Variants in TIGAR observed in about 807,000 individuals in gnomAD.
The protein encoded by TIGAR is fructose-2,6-bisphosphatase TIGAR.
Under a neutral mutation model 17.9 loss-of-function variants are expected in TIGAR, and 7 were observed. The observed-to-expected ratio is 0.39, with a 90% CI of 0.22 to 0.73. The LOEUF (loss-of-function observed/expected upper bound fraction) is 0.73, where lower values mean the gene tolerates loss of function less well. Among genes scored for constraint, TIGAR ranks in the 30% least tolerant of loss-of-function variants. The pLI is 0.42. For missense variants in TIGAR, 258 were observed against 327.4 expected (o/e 0.79, Z 1.64); for synonymous variants, 94 against 108.6 (o/e 0.87, Z 0.84).
intron 3 of TIGAR, among the ~76,000 whole-genome samples, chr12:4,345,255 CTACTT>C (rs1034831556): frequency 1.4e-4 from 21 of 152,330 alleles, no homozygotes; most frequent in African/African-American, 4.8e-4. Context: ...TTGGAAAAAA[CTACTT>C]TAAAGTTCAT....
At chr12:4,324,323 CTTTTTTT>C (rs34096957) in intron 1 of TIGAR, 34 of 628,038 alleles carry the variant, frequency 5.4e-5, no homozygotes, top group Middle Eastern at 3.8e-4. Context: ...ATTTAACTTC[CTTTTTTT>C]TTTTTTTTTT....
intron 3 of TIGAR, among the ~76,000 whole-genome samples, chr12:4,344,856 T>C (rs1864762847): frequency 6.6e-6 from 1 of 152,174 alleles, no homozygotes; most frequent in Non-Finnish European, 1.5e-5. Context: ...TGATTGTATA[T>C]CTAGAAAACC....
intron 2 of TIGAR, among the ~76,000 whole-genome samples, chr12:4,332,282 G>A (rs974102044): frequency 5.0e-5 from 6 of 120,290 alleles, no homozygotes; most frequent in East Asian, 5.3e-4. Context: ...TCACTGTGCC[G>A]CCCAACCTGG....
intron 3 of TIGAR, among the ~76,000 whole-genome samples, chr12:4,343,117 GC>G (rs1160115554): frequency 6.6e-6 from 1 of 152,078 alleles, no homozygotes; most frequent in Non-Finnish European, 1.5e-5. Context: ...CTTTAAACCA[GC>G]AAAGATCAGA....
intron 3 of TIGAR, among the ~76,000 whole-genome samples, chr12:4,349,245 G>A (rs1369289360): frequency 6.6e-6 from 1 of 152,178 alleles, no homozygotes; most frequent in Non-Finnish European, 1.5e-5. Flanking sequence ...GAATGCTGTG[G>A]CTGTGTCCCA....
chr12:4,357,131 C>G lies in TIGAR; in HGVS notation c.*4440C>G, dbSNP rs530338313. Reference sequence around the variant, plus strand: ...CTGAGAGAACAGTGCATCTCACACCCATTCCATGGCTTAGGCTTATGCAGG... The same window carrying G: ...CTGAGAGAACAGTGCATCTCACACCGATTCCATGGCTTAGGCTTATGCAGG... On this transcript the variant is annotated 3_prime_UTR_variant, in exon 6 of 6. Transcript: ENST00000179259. Among the ~76,000 whole-genome samples, 1 of 152,356 alleles carries G rather than the reference C, an allele frequency of 6.6e-6. No individual in the cohort carries two copies. Among genetic ancestry groups the G allele is most frequent in the South Asian group, 2.1e-4 (1 of 4,830 alleles).
At chr12:4,336,717 A>G (rs986559490) in intron 2 of TIGAR, among the ~76,000 whole-genome samples, 1 of 152,186 alleles carries the variant, frequency 6.6e-6, no homozygotes, top group African/African-American at 2.4e-5. Context: ...TACCGCCCCA[A>G]CACAGTACCT....
At chr12:4,338,394 ACT>A (rs1205853865) in intron 3 of TIGAR, among the ~76,000 whole-genome samples, 27 of 152,080 alleles carry the variant, frequency 1.8e-4, no homozygotes, top group African/African-American at 5.8e-4. Context: ...CAATTTCCAG[ACT>A]CTGGTAGGGG....
chr12:4,339,329 C>G (rs1864694913), intron 3 of TIGAR, among the ~76,000 whole-genome samples: 1 of 152,110 alleles, frequency 6.6e-6, no homozygotes, highest in African/African-American at 2.4e-5. Flanking sequence ...TAGACACGTG[C>G]AACCTACCAA....
intron 2 of TIGAR, among the ~76,000 whole-genome samples, chr12:4,333,784 G>A (rs1864629746): frequency 6.6e-6 from 1 of 152,148 alleles, no homozygotes; most frequent in Non-Finnish European, 1.5e-5. Flanking sequence ...ATTTTTAGTA[G>A]AGACGGGGTT....
At chr12:4,348,473 C>G (rs1202037704) in intron 3 of TIGAR, among the ~76,000 whole-genome samples, 1 of 152,168 alleles carries the variant, frequency 6.6e-6, no homozygotes, top group Non-Finnish European at 1.5e-5. Flanking sequence ...TTGATGATTT[C>G]TTTATTGTGC....
intron 1 of TIGAR, among the ~76,000 whole-genome samples, chr12:4,322,307 A>T (rs1864490516): frequency 6.6e-6 from 1 of 152,124 alleles, no homozygotes; most frequent in Non-Finnish European, 1.5e-5. Flanking sequence ...AAGAGCACAG[A>T]TTTTTCAGGC....
At chr12:4,343,265 A>C (rs1484674675) in intron 3 of TIGAR, among the ~76,000 whole-genome samples, 2 of 152,190 alleles carry the variant, frequency 1.3e-5, no homozygotes, top group Non-Finnish European at 2.9e-5. Flanking sequence ...AGAGACTTCA[A>C]CTCCCACACA....
At chr12:4,345,092 C>T (rs1864765198) in intron 3 of TIGAR, among the ~76,000 whole-genome samples, 2 of 152,140 alleles carry the variant, frequency 1.3e-5, no homozygotes, top group Admixed American at 1.3e-4. Context: ...TAAACCACTG[C>T]TCAATGAAAT....
At chr12:4,327,507 T>G (rs944580295) in intron 1 of TIGAR, among the ~76,000 whole-genome samples, 2 of 152,282 alleles carry the variant, frequency 1.3e-5, no homozygotes, top group Middle Eastern at 3.4e-3. Context: ...TCTGAGCAGT[T>G]TGCAGCCCAT....
In TIGAR at chr12:4,352,681, A is replaced by T; in HGVS notation, c.803A>T (p.Glu268Val). 2 of 1,600,238 alleles carry T rather than the reference A, an allele frequency of 1.2e-6. No individual in the cohort carries two copies. The highest frequency in any genetic ancestry group is 2.2e-5 in the South Asian group (2 of 91,008). ...NLQDHLNGLT[E>V]TR ...CAGGATCATCTAAATGGACTGACTG[A>T]AACTCGCTAAGGTTAAATCTGCATC... is the stretch of plus-strand genomic sequence containing the variant. Residue 268 changes from glutamate to valine, a missense_variant, in exon 6 of 6, where the codon GAA (glutamate) becomes GTA (valine). Transcript: ENST00000179259.
chr12:4,336,446 GCACACA>G (rs10595001), intron 2 of TIGAR, among the ~76,000 whole-genome samples: 10,265 of 138,358 alleles, frequency 0.074, 604 homozygotes, highest in African/African-American at 0.17. Context: ...CAGCAATGCA[GCACACA>G]CACACACACA....
chr12:4,341,868 G>A lies in TIGAR; in HGVS notation c.192+4708G>A, dbSNP rs546450770. 2.3e-4 allele frequency among the ~76,000 whole-genome samples: 35 copies of A among 152,336 alleles called. No homozygotes were observed. The South Asian group carries it at 5.0e-3, about 22-fold the overall frequency. On this transcript the variant is annotated intron_variant, in intron 3 of 5. Coordinates refer to ENST00000179259, the MANE Select transcript of TIGAR (RefSeq NM_020375.3). Reference sequence around the variant, plus strand: ...AGGAACGCAGCTCCTCACCAGCAACGGAACAAAGCTGGACGGAGAATGACT... The same window carrying A: ...AGGAACGCAGCTCCTCACCAGCAACAGAACAAAGCTGGACGGAGAATGACT...
At chr12:4,324,699 G>A in intron 1 of TIGAR, 1 of 893,114 alleles carries the variant, frequency 1.1e-6, no homozygotes, top group South Asian at 1.4e-5. Flanking sequence ...GGCACGCACT[G>A]TACAGCTGCG....
Sources: gnomAD v4.1 joint callset for allele counts (sites outside exome capture counted in the v4.1 genomes callset) on GRCh38, gnomAD v4.1.1 for gene constraint, MANE v1.5 for transcripts, NCBI Gene and HGNC (gene_info 2026-07-23, HGNC 2026-07-21) for gene names.